CNTNAP5: variants seen among roughly 807,000 people sequenced by gnomAD.
CNTNAP5 encodes contactin-associated protein-like 5.
CNTNAP5 carries 72 observed loss-of-function variants against 150.2 expected under a neutral mutation model. The ratio of observed to expected loss-of-function variants is 0.48; its 90% confidence interval spans 0.40 to 0.58. The LOEUF (loss-of-function observed/expected upper bound fraction) is 0.58. Among genes scored for constraint, CNTNAP5 ranks in the 20% least tolerant of loss-of-function variants. The pLI is 0.00. For missense variants in CNTNAP5, 1,636 were observed against 1,626.2 expected (o/e 1.01, Z -0.10); for synonymous variants, 672 against 619.8 (o/e 1.08, Z -1.25).
At chr2:124,717,836 G>T (rs1679974918) in intron 13 of CNTNAP5, among the ~76,000 whole-genome samples, 1 of 152,030 alleles carries the variant, frequency 6.6e-6, no homozygotes, top group South Asian at 2.1e-4. Context: ...ATTCATATTT[G>T]TTTAACTGAC....
intron 5 of CNTNAP5, among the ~76,000 whole-genome samples, chr2:124,435,209 GC>G (rs2104795410): frequency 6.6e-6 from 1 of 152,228 alleles, no homozygotes; most frequent in African/African-American, 2.4e-5. Flanking sequence ...TCCAGAGTAA[GC>G]CCCAGACTCA....
intron 1 of CNTNAP5, among the ~76,000 whole-genome samples, chr2:124,115,792 T>TTGTGTGTGTGTGTG (rs5834038): frequency 0.042 from 5,776 of 138,196 alleles, 284 homozygotes; most frequent in East Asian, 0.26. Context: ...GCCTGGCTAA[T>TTGTGTGTGTGTGTG]TGTGTGTGTG....
At chr2:124,804,160 C>A (rs905119289) in intron 19 of CNTNAP5, among the ~76,000 whole-genome samples, 3 of 152,208 alleles carry the variant, frequency 2.0e-5, no homozygotes, top group Non-Finnish European at 2.9e-5. Flanking sequence ...CTTGTACTTT[C>A]ATCATCCATT....
chr2:124,084,607 G>A (rs1682634958), intron 1 of CNTNAP5, among the ~76,000 whole-genome samples: 1 of 151,720 alleles, frequency 6.6e-6, no homozygotes, highest in Non-Finnish European at 1.5e-5. Context: ...ATACATACAT[G>A]TATGTGTGTG....
At chr2:124,029,636 T>C (rs538928123) in intron 1 of CNTNAP5, among the ~76,000 whole-genome samples, 45 of 152,138 alleles carry the variant, frequency 3.0e-4, no homozygotes, top group Non-Finnish European at 5.7e-4. Context: ...GACTATCCTC[T>C]AAATTGCAGT....
intron 12 of CNTNAP5, among the ~76,000 whole-genome samples, chr2:124,646,180 A>T (rs1678198355): frequency 6.6e-6 from 1 of 152,212 alleles, no homozygotes; most frequent in African/African-American, 2.4e-5. Flanking sequence ...TGCTTCTAAT[A>T]TGTTGAAACT....
At chr2:124,816,899 G>A (rs771222082) in intron 19 of CNTNAP5, among the ~76,000 whole-genome samples, 27 of 152,104 alleles carry the variant, frequency 1.8e-4, no homozygotes, top group Non-Finnish European at 2.8e-4. Flanking sequence ...CTAATCATGC[G>A]AATGATATCA....
Position 124,874,184 on chromosome 2 carries a change from T to C in CNTNAP5, c.3436+4422T>C, listed in dbSNP as rs142358385. Among the ~76,000 whole-genome samples the C allele has an allele frequency of 2.5e-3, 388 of 152,230 alleles. 5 individuals carry two copies. The highest frequency in any genetic ancestry group is 8.9e-3 in the African/African-American group (371 of 41,564). ...TCAAGTTACGGGATATTGCAAGGTT[T>C]ATTCTTTGGTTTACTGACATTTCTT... is the stretch of plus-strand genomic sequence containing the variant. On this transcript the variant is annotated intron_variant, in intron 21 of 23. Coordinates refer to ENST00000682447, the MANE Select transcript of CNTNAP5 (RefSeq NM_001367498.1).
chr2:124,840,911 A>G (rs1420758986), intron 19 of CNTNAP5, among the ~76,000 whole-genome samples: 2 of 152,132 alleles, frequency 1.3e-5, no homozygotes, highest in Admixed American at 1.3e-4. Flanking sequence ...CAATGTGCAG[A>G]CCATTCTGAC....
intron 1 of CNTNAP5, among the ~76,000 whole-genome samples, chr2:124,147,169 G>A (rs1684274347): frequency 6.6e-6 from 1 of 152,182 alleles, no homozygotes; most frequent in Non-Finnish European, 1.5e-5. Context: ...TTTGAGGAGT[G>A]TAGCATTTGA....
intron 19 of CNTNAP5, among the ~76,000 whole-genome samples, chr2:124,858,204 G>T (rs1398399617): frequency 6.6e-6 from 1 of 152,104 alleles, no homozygotes; most frequent in Admixed American, 6.6e-5. Context: ...GTTCTGGCCA[G>T]GGCAATCAGG....
chr2:124,401,114 T>C (rs949605985), intron 3 of CNTNAP5, among the ~76,000 whole-genome samples: 7 of 152,150 alleles, frequency 4.6e-5, no homozygotes, highest in Admixed American at 2.0e-4. Context: ...GATCCACCTG[T>C]CTCGTCCTGC....
intron 2 of CNTNAP5, among the ~76,000 whole-genome samples, chr2:124,238,490 T>C (rs778885777): frequency 2.0e-5 from 3 of 152,178 alleles, no homozygotes; most frequent in Non-Finnish European, 4.4e-5. Context: ...CTCCAAATCA[T>C]TTTGGATCTT....
Position 124,395,306 on chromosome 2 carries a change from A to T in CNTNAP5, c.382-22137A>T, listed in dbSNP as rs13010909. On this transcript the variant is annotated intron_variant, in intron 3 of 23. Transcript: ENST00000682447. ...CTCCCAAGAAGCAACAGTGTTGAGC[A>T]GAGAGAAAGTTAGTTTGCACAGGGG... 6.3e-3 allele frequency among the ~76,000 whole-genome samples: 952 copies of T among 152,294 alleles called. 3 individuals are homozygous for T. Among genetic ancestry groups the T allele is most frequent in the Non-Finnish European group, 9.7e-3 (663 of 68,018 alleles).
intron 11 of CNTNAP5, among the ~76,000 whole-genome samples, chr2:124,600,187 T>TG (rs1225112852): frequency 1.6e-5 from 2 of 124,666 alleles, no homozygotes; most frequent in Admixed American, 7.8e-5. Context: ...GAATAGTAAA[T>TG]GGTTTTTTTT....
chr2:124,682,004 A>T (rs1403346611), intron 13 of CNTNAP5, among the ~76,000 whole-genome samples: 1 of 152,272 alleles, frequency 6.6e-6, no homozygotes. Flanking sequence ...TCCCTTTGCC[A>T]AAGGGACCTA....
intron 11 of CNTNAP5, among the ~76,000 whole-genome samples, chr2:124,598,049 A>AT (rs1166363248): frequency 3.1e-5 from 2 of 63,702 alleles, no homozygotes; most frequent in African/African-American, 1.1e-4. Context: ...ATTCTTCTAA[A>AT]TTTTTTTCAA....
chr2:124,694,893 T>C (rs1679373076), intron 13 of CNTNAP5, among the ~76,000 whole-genome samples: 1 of 152,116 alleles, frequency 6.6e-6, no homozygotes, highest in African/African-American at 2.4e-5. Context: ...AGTGAAACAA[T>C]GAAGGCATAT....
rs1039336682 is a variant in CNTNAP5 at position 124,256,513 on chromosome 2, G to A, written c.381+14120G>A. 2.0e-5 allele frequency among the ~76,000 whole-genome samples: 3 copies of A among 152,136 alleles called. No homozygotes were observed. The East Asian group carries it at 5.8e-4, about 29-fold the overall frequency. On this transcript the variant is annotated intron_variant, in intron 3 of 23. Coordinates refer to ENST00000682447, the MANE Select transcript of CNTNAP5 (RefSeq NM_001367498.1). ...TTAGGAACATACATGAAATTAGAGT[G>A]TACAATAAGGCAGTACTGTAGAAAC... is the stretch of plus-strand genomic sequence containing the variant.
Sources: allele counts gnomAD v4.1 joint callset (sites outside exome capture counted in the v4.1 genomes callset), GRCh38; gene constraint gnomAD v4.1.1; transcripts MANE v1.5; gene names NCBI Gene and HGNC (gene_info 2026-07-23, HGNC 2026-07-21).